Variants in RANBP17 observed in about 807,000 individuals in gnomAD.
The protein encoded by RANBP17 is RAN binding protein 17.
Under a neutral mutation model 141.2 loss-of-function variants are expected in RANBP17, and 158 were observed. The ratio of observed to expected loss-of-function variants is 1.12; its 90% CI spans 0.98 to 1.28. The LOEUF is 1.28. Among genes scored for constraint, RANBP17 ranks in the 50% most tolerant of loss-of-function variants. The pLI, the probability that RANBP17 is intolerant of heterozygous loss-of-function variation, is 0.00. For synonymous variants in RANBP17, 430 were observed against 450.0 expected (o/e 0.96, Z 0.56); for missense variants, 1,438 against 1,290.7 (o/e 1.11, Z -1.75).
At chr5:170,897,087 T>A in intron 5 of RANBP17, 1 of 829,138 alleles carries the variant, frequency 1.2e-6, no homozygotes, top group Non-Finnish European at 2.1e-6. Flanking sequence ...CCAGCTGTCT[T>A]GATTGACATG....
At chr5:171,019,612 T>A (rs1489575742) in intron 14 of RANBP17, among the ~76,000 whole-genome samples, 1 of 152,198 alleles carries the variant, frequency 6.6e-6, no homozygotes, top group Non-Finnish European at 1.5e-5. Context: ...ATATCCCCTT[T>A]ATCATTTTTT....
At chr5:171,065,682 C>G (rs991352778) in intron 14 of RANBP17, among the ~76,000 whole-genome samples, 1 of 152,114 alleles carries the variant, frequency 6.6e-6, no homozygotes, top group African/African-American at 2.4e-5. Context: ...GTAATTGGAT[C>G]TAATTCTAGA....
intron 14 of RANBP17, among the ~76,000 whole-genome samples, chr5:171,059,642 T>C (rs1222750426): frequency 4.6e-5 from 7 of 151,904 alleles, no homozygotes; most frequent in Non-Finnish European, 7.4e-5. Flanking sequence ...GACTTGGCAA[T>C]GCGGGCTCTT....
At chr5:171,078,968 G>A (rs1224779216) in intron 14 of RANBP17, among the ~76,000 whole-genome samples, 1 of 152,154 alleles carries the variant, frequency 6.6e-6, no homozygotes, top group East Asian at 1.9e-4. Flanking sequence ...TAAGACTGCA[G>A]CTGCCATAGA....
chr5:171,062,885 C>T (rs556375018), intron 14 of RANBP17, among the ~76,000 whole-genome samples: 4 of 151,972 alleles, frequency 2.6e-5, no homozygotes, highest in East Asian at 3.9e-4. Flanking sequence ...CTCTAAACTT[C>T]CCTTCTCACT....
At chr5:170,903,572 T>C in intron 5 of RANBP17, 1 of 241,738 alleles carries the variant, frequency 4.1e-6, no homozygotes, top group Non-Finnish European at 9.1e-6. Context: ...TTCCCAGAAG[T>C]ATGTAGATTT....
At chr5:171,226,466 A>AT (rs1211368125) in intron 22 of RANBP17, among the ~76,000 whole-genome samples, 2 of 152,370 alleles carry the variant, frequency 1.3e-5, no homozygotes, top group East Asian at 3.9e-4. Context: ...ATTCACTGTC[A>AT]TAAGAATTTA....
chr5:171,295,085 A>G (rs926216755), intron 26 of RANBP17, among the ~76,000 whole-genome samples: 1 of 152,182 alleles, frequency 6.6e-6, no homozygotes, highest in Non-Finnish European at 1.5e-5. Flanking sequence ...TTTTTGATGT[A>G]AGCTGTTTTA....
chr5:170,900,864 C>G (rs1322335110), intron 5 of RANBP17, among the ~76,000 whole-genome samples: 1 of 152,168 alleles, frequency 6.6e-6, no homozygotes, highest in Non-Finnish European at 1.5e-5. Context: ...TTTGATTGCA[C>G]TGTGGTCTGA....
intron 14 of RANBP17, among the ~76,000 whole-genome samples, chr5:171,111,695 C>T (rs1755243781): frequency 6.6e-6 from 1 of 152,192 alleles, no homozygotes; most frequent in East Asian, 1.9e-4. Flanking sequence ...TACTTTTGGG[C>T]CCTCCTACAT....
chr5:170,930,969 C>T lies in RANBP17; in HGVS notation c.1468+6419C>T, dbSNP rs140419306. ...TCAAATGTTATTTCTAGTTCTAGATCCTTGAGGAATTGCCACACTGTCTTC... is the reference window on the plus strand; with the variant it reads ...TCAAATGTTATTTCTAGTTCTAGATTCTTGAGGAATTGCCACACTGTCTTC... On this transcript the variant is annotated intron_variant, in intron 12 of 27. Transcript: ENST00000523189. Among the ~76,000 whole-genome samples the T allele has an allele frequency of 9.3e-3, 1,411 of 152,220 alleles. 13 individuals are homozygous for T. Among genetic ancestry groups the T allele is most frequent in the Non-Finnish European group, 0.013 (904 of 68,020 alleles).
intron 14 of RANBP17, among the ~76,000 whole-genome samples, chr5:171,012,460 T>C (rs1284194156): frequency 6.6e-6 from 1 of 152,166 alleles, no homozygotes; most frequent in Non-Finnish European, 1.5e-5. Context: ...ATCTGCTGCC[T>C]GGAATCTATA....
intron 14 of RANBP17, among the ~76,000 whole-genome samples, chr5:171,131,568 C>A (rs1756923189): frequency 6.6e-6 from 1 of 152,020 alleles, no homozygotes; most frequent in Non-Finnish European, 1.5e-5. Flanking sequence ...GTAAAGAGAC[C>A]CACTCATAAG....
At chr5:170,960,889 G>C (rs1316799446) in intron 13 of RANBP17, among the ~76,000 whole-genome samples, 1 of 152,144 alleles carries the variant, frequency 6.6e-6, no homozygotes, top group Non-Finnish European at 1.5e-5. Flanking sequence ...TGGGATACAG[G>C]CTCCTGCCAC....
intron 14 of RANBP17, among the ~76,000 whole-genome samples, chr5:171,119,336 A>AT (rs1755857523): frequency 6.6e-6 from 1 of 152,082 alleles, no homozygotes. Context: ...TGTAGCTTTG[A>AT]TTTTTTGTTG....
At chr5:171,059,048 A>G (rs955607666) in intron 14 of RANBP17, among the ~76,000 whole-genome samples, 1 of 148,190 alleles carries the variant, frequency 6.7e-6, no homozygotes, top group Non-Finnish European at 1.5e-5. Flanking sequence ...AGTTCATTGT[A>G]GATTCTGGAT....
chr5:170,929,630 T>A (rs1323655139), intron 12 of RANBP17, among the ~76,000 whole-genome samples: 2 of 152,198 alleles, frequency 1.3e-5, no homozygotes, highest in Non-Finnish European at 2.9e-5. Context: ...ACACTTTTGT[T>A]ATTTTATATC....
chr5:171,166,630 C>G (rs528693393), intron 14 of RANBP17, among the ~76,000 whole-genome samples: 2 of 152,008 alleles, frequency 1.3e-5, no homozygotes, highest in Non-Finnish European at 2.9e-5. Context: ...TGATGATAAA[C>G]GATTTTGTAG....
chr5:171,065,836 A>G (rs1220178249), intron 14 of RANBP17, among the ~76,000 whole-genome samples: 1 of 151,556 alleles, frequency 6.6e-6, no homozygotes, highest in African/African-American at 2.4e-5. Flanking sequence ...CTTTATATTC[A>G]TTAATTTCCT....
Sources: gnomAD v4.1 joint callset for allele counts (sites outside exome capture counted in the v4.1 genomes callset) on GRCh38, gnomAD v4.1.1 for gene constraint, MANE v1.5 for transcripts, NCBI Gene and HGNC (gene_info 2026-07-23, HGNC 2026-07-21) for gene names.